Variants in PTPN1 observed in about 807,000 individuals in gnomAD.
PTPN1 encodes tyrosine-protein phosphatase non-receptor type 1.
In PTPN1, 12 loss-of-function variants were observed where a neutral mutation model predicts 59.9. That is an observed-to-expected ratio of 0.20 (90% CI 0.13 to 0.32). The LOEUF (loss-of-function observed/expected upper bound fraction) is 0.32. Among genes scored for constraint, PTPN1 ranks in the 10% least tolerant of loss-of-function variants. The probability of loss-of-function intolerance (pLI) is 1.00; values close to 1 mark genes in which losing one functional copy is unlikely to be tolerated. For synonymous variants in PTPN1, 178 were observed against 203.6 expected (o/e 0.87, Z 1.07); for missense variants, 356 against 549.2 (o/e 0.65, Z 3.52).
intron 4 of PTPN1, 108 bp from the exon 5 acceptor site, chr20:50,574,409 C>T (rs1489586587): frequency 8.5e-7 from 1 of 1,170,592 alleles, no homozygotes. Context: ...GTTCAGAAAC[C>T]CCCAGGCCTT....
chr20:50,510,858 G>T (rs2082503982), intron 1 of PTPN1, among the ~76,000 whole-genome samples: 1 of 151,800 alleles, frequency 6.6e-6, no homozygotes, highest in Admixed American at 6.6e-5. Flanking sequence ...GGGGACCGCC[G>T]GTCTGTGCTC....
At position 50,579,261 on chromosome 20, in the gene PTPN1, C is replaced by G; in HGVS notation, c.796C>G (p.Gln266Glu). Residue 266 changes from glutamine to glutamate, a missense_variant, in exon 7 of 10, where the codon CAG becomes GAG. Transcript: ENST00000371621. ...GATGGGGCTGATCCAGACAGCCGAC[C>G]AGCTGCGCTTCTCCTACCTGGCTGT... The part of the protein sequence containing the change: ...FRMGLIQTAD[Q>E]LRFSYLAVIE... 1 of 1,614,242 alleles carries G rather than the reference C, an allele frequency of 6.2e-7. No homozygotes were observed. The highest frequency in any genetic ancestry group is 8.5e-7 in the Non-Finnish European group (1 of 1,180,048).
chr20:50,562,476 C>T (rs2082757564), intron 2 of PTPN1, among the ~76,000 whole-genome samples: 1 of 152,168 alleles, frequency 6.6e-6, no homozygotes, highest in African/African-American at 2.4e-5. Flanking sequence ...TCAGCTCTGC[C>T]GCTTAAGAAC....
chr20:50,526,977 A>G (rs1171227375), intron 1 of PTPN1, among the ~76,000 whole-genome samples: 1 of 152,182 alleles, frequency 6.6e-6, no homozygotes, highest in African/African-American at 2.4e-5. Flanking sequence ...GCATCTGGCC[A>G]TCAGATCTAA....
chr20:50,540,072 C>T (rs1183799260), intron 1 of PTPN1, among the ~76,000 whole-genome samples: 2 of 151,226 alleles, frequency 1.3e-5, no homozygotes, highest in African/African-American at 2.4e-5. Context: ...ATTTTTTTTT[C>T]GAGACAGAGT....
chr20:50,570,946 A>G (rs1015965716), intron 4 of PTPN1: 2 of 152,216 alleles, frequency 1.3e-5, no homozygotes, highest in African/African-American at 4.8e-5. Context: ...TTAAATCAAG[A>G]CATTTATTCA....
intron 1 of PTPN1, among the ~76,000 whole-genome samples, chr20:50,538,727 T>A (rs1298666228): frequency 1.3e-5 from 2 of 152,252 alleles, no homozygotes; most frequent in Non-Finnish European, 2.9e-5. Flanking sequence ...ATCTTTATTA[T>A]ATGCCCTTCA....
Position 50,582,959 on chromosome 20 carries a change from G to A in PTPN1, c.*244G>A, listed in dbSNP as rs575780749. 8.2e-5 allele frequency: 48 copies of A among 584,750 alleles called. No individual in the cohort carries two copies. Among genetic ancestry groups the A allele is most frequent in the Non-Finnish European group, 1.4e-4 (46 of 325,378 alleles). 36.2% of individuals were successfully genotyped at this position (584,750 alleles called of 1,614,324 possible). A position where few individuals can be genotyped will look rare whatever the true frequency, so the allele number is the denominator to read the frequency against. ...CCACAAGCCATTTTTTGAGGAGAGT[G>A]AAAGAGAGTACCATGCTGGCGGCGC... On this transcript the variant is annotated 3_prime_UTR_variant, in exon 10 of 10. Coordinates refer to ENST00000371621, the MANE Select transcript of PTPN1 (RefSeq NM_002827.4). The surrounding 1 kb of genome is among the most constrained non-coding windows in gnomAD (Gnocchi z 4.2).
intron 1 of PTPN1, among the ~76,000 whole-genome samples, chr20:50,530,070 C>T (rs575960117): frequency 1.3e-4 from 20 of 151,614 alleles, no homozygotes; most frequent in African/African-American, 4.4e-4. Flanking sequence ...AGACAGGTTT[C>T]ACCATGTTGG....
At position 50,581,258 on chromosome 20, in the gene PTPN1, T is replaced by G; in HGVS notation, c.1089-7T>G. The G allele has an allele frequency of 1.3e-6, 2 of 1,585,694 alleles. No individual in the cohort carries two copies. Among genetic ancestry groups the G allele is most frequent in the Non-Finnish European group, 1.7e-6 (2 of 1,158,398 alleles). On this transcript the variant is annotated splice_polypyrimidine_tract_variant and splice_region_variant and intron_variant, in intron 8 of 9. Transcript: ENST00000371621. ...GAGTAACCCATCTCTGCCCTCTGATTCCTCAGCATGAGTCAAGACACTGAA... is the reference window on the plus strand; with the variant it reads ...GAGTAACCCATCTCTGCCCTCTGATGCCTCAGCATGAGTCAAGACACTGAA...
chr20:50,534,549 A>AT (rs1195045376), intron 1 of PTPN1, among the ~76,000 whole-genome samples: 2 of 150,984 alleles, frequency 1.3e-5, no homozygotes, highest in East Asian at 1.9e-4. Context: ...TTTTACTGTA[A>AT]TTTTTTTTTC....
chr20:50,557,740 A>T (rs1031458981), intron 1 of PTPN1: 1 of 152,142 alleles, frequency 6.6e-6, no homozygotes, highest in Non-Finnish European at 1.5e-5. Context: ...CGCGGGCATG[A>T]TCCCACTGCT....
intron 7 of PTPN1, 116 bp from the exon 8 acceptor site, chr20:50,579,587 G>A: frequency 3.1e-6 from 3 of 974,020 alleles, no homozygotes; most frequent in Non-Finnish European, 4.7e-6. Flanking sequence ...CATGGCTGCA[G>A]CCCTGAGAGG....
At chr20:50,564,753 T>C (rs6012965) in intron 2 of PTPN1, among the ~76,000 whole-genome samples, 3,564 of 152,334 alleles carry the variant, frequency 0.023, 50 homozygotes, top group East Asian at 0.051. Context: ...TTACTGCTGT[T>C]GCTTCATAGT....
chr20:50,575,514 A>G (rs1044931836), intron 5 of PTPN1, among the ~76,000 whole-genome samples: 1 of 152,202 alleles, frequency 6.6e-6, no homozygotes, highest in Non-Finnish European at 1.5e-5. Context: ...TAGGGAGACC[A>G]TGTGGAGTGG....
chr20:50,567,252 C>A (rs1475817593), intron 3 of PTPN1, among the ~76,000 whole-genome samples: 1 of 152,012 alleles, frequency 6.6e-6, no homozygotes, highest in African/African-American at 2.4e-5. Context: ...CATGGTGAAA[C>A]CCCGTCTCTA....
intron 5 of PTPN1, among the ~76,000 whole-genome samples, chr20:50,575,222 C>A (rs907437809): frequency 1.3e-5 from 2 of 152,208 alleles, no homozygotes; most frequent in South Asian, 2.1e-4. Flanking sequence ...TGGAATAATT[C>A]CCCTGGATCC....
At chr20:50,530,836 G>A (rs1380787988) in intron 1 of PTPN1, among the ~76,000 whole-genome samples, 1 of 152,072 alleles carries the variant, frequency 6.6e-6, no homozygotes, top group Non-Finnish European at 1.5e-5. Flanking sequence ...TGAGACTACA[G>A]GCATGTACCA....
rs377260299 is a variant in PTPN1 at position 50,510,515 on chromosome 20, G to C, written c.-13G>C. ...GGGCCGAGAAGGAGGCGCAGCAGCC[G>C]CCCTGGCCCGTCATGGAGATGGAAA... is the stretch of plus-strand genomic sequence containing the variant. On this transcript the variant is annotated 5_prime_UTR_variant, in exon 1 of 10. Transcript: ENST00000371621. 2.6e-6 allele frequency: 4 copies of C among 1,549,438 alleles called. No individual in the cohort carries two copies. Among genetic ancestry groups the C allele is most frequent in the Non-Finnish European group, 3.5e-6 (4 of 1,146,050 alleles).
Sources: allele counts gnomAD v4.1 joint callset (sites outside exome capture counted in the v4.1 genomes callset), GRCh38; gene constraint gnomAD v4.1.1; non-coding constraint Gnocchi (gnomAD v3.1); transcripts MANE v1.5; gene names NCBI Gene and HGNC (gene_info 2026-07-23, HGNC 2026-07-21).